SORCS2: variants seen among roughly 807,000 people sequenced by gnomAD.
SORCS2 encodes the protein sortilin related VPS10 domain containing receptor 2.
In SORCS2, 100 loss-of-function variants were observed where a neutral mutation model predicts 141.6. The ratio of observed to expected loss-of-function variants is 0.71; its 90% confidence interval spans 0.60 to 0.83. The LOEUF (loss-of-function observed/expected upper bound fraction) is 0.83, where lower values mean the gene tolerates loss of function less well. Ranked by LOEUF, SORCS2 falls within the 40% of genes least tolerant of loss-of-function variation. SORCS2 has a pLI of 0.00. For synonymous variants in SORCS2, 789 were observed against 676.9 expected (o/e 1.17, Z -2.57); for missense variants, 1,646 against 1,560.2 (o/e 1.05, Z -0.93).
chr4:7,373,925 T>C (rs1722441853), intron 1 of SORCS2, among the ~76,000 whole-genome samples: 1 of 152,192 alleles, frequency 6.6e-6, no homozygotes, highest in Non-Finnish European at 1.5e-5. Flanking sequence ...CGTTTATCTA[T>C]AGATTAATAT....
At chr4:7,660,900 G>C (rs1330656727) in intron 5 of SORCS2, among the ~76,000 whole-genome samples, 1 of 152,274 alleles carries the variant, frequency 6.6e-6, no homozygotes, top group South Asian at 2.1e-4. Flanking sequence ...ATGGCTGAGA[G>C]AGCAATCTTC....
intron 8 of SORCS2, among the ~76,000 whole-genome samples, chr4:7,674,475 A>G (rs1722979076): frequency 6.7e-6 from 1 of 148,370 alleles, no homozygotes; most frequent in African/African-American, 2.5e-5. Context: ...CGGGAGGCTG[A>G]GGCAGGAGAA....
At chr4:7,703,420 T>C (rs762428163) in intron 13 of SORCS2, 49 bp downstream of exon 13, 11 of 1,503,734 alleles carry the variant, frequency 7.3e-6, no homozygotes, top group Admixed American at 5.7e-5. Context: ...CTGGGGCTCT[T>C]TCTTTCCACC....
intron 2 of SORCS2, among the ~76,000 whole-genome samples, chr4:7,491,499 C>T (rs930168693): frequency 1.3e-5 from 2 of 152,232 alleles, no homozygotes; most frequent in African/African-American, 2.4e-5. Flanking sequence ...CGCGGCATGG[C>T]GTAAGCAGCT....
chr4:7,682,043 G>T (rs890468710), intron 9 of SORCS2, among the ~76,000 whole-genome samples: 1 of 152,130 alleles, frequency 6.6e-6, no homozygotes, highest in African/African-American at 2.4e-5. Flanking sequence ...ACCCTCTCTG[G>T]GAGCAAACCA....
intron 3 of SORCS2, among the ~76,000 whole-genome samples, chr4:7,609,408 G>A (rs557270494): frequency 2.4e-4 from 36 of 152,244 alleles, no homozygotes; most frequent in African/African-American, 7.9e-4. Flanking sequence ...CAGTCAAGGC[G>A]CCTCTATACA....
At chr4:7,366,540 C>T (rs1370058200) in intron 1 of SORCS2, among the ~76,000 whole-genome samples, 1 of 150,718 alleles carries the variant, frequency 6.6e-6, no homozygotes, top group Admixed American at 6.6e-5. Context: ...TCCCTCCAGC[C>T]TCACCCCCTC....
chr4:7,374,577 A>C (rs1400347406), intron 1 of SORCS2, among the ~76,000 whole-genome samples: 3 of 152,132 alleles, frequency 2.0e-5, no homozygotes, highest in Non-Finnish European at 2.9e-5. Context: ...CATCTAGCCA[A>C]ACTCACCTTT....
intron 3 of SORCS2, among the ~76,000 whole-genome samples, chr4:7,553,032 C>T (rs991720004): frequency 6.6e-6 from 1 of 152,050 alleles, no homozygotes. Flanking sequence ...AACTAGAGGC[C>T]ATTTTGGAAG....
chr4:7,364,428 G>T (rs1311365069), intron 1 of SORCS2, among the ~76,000 whole-genome samples: 2 of 152,178 alleles, frequency 1.3e-5, no homozygotes, highest in African/African-American at 2.4e-5. Flanking sequence ...TGGATCCAGA[G>T]TTCTTGCAAA....
chr4:7,373,478 A>ATATATATATATATTTTTTTTTT (rs1470691140), intron 1 of SORCS2, among the ~76,000 whole-genome samples: 1 of 36,818 alleles, frequency 2.7e-5, no homozygotes, highest in African/African-American at 1.6e-4. Flanking sequence ...ATATATATAT[A>ATATATATATATATTTTTTTTTT]TTTTTTTTTT....
intron 5 of SORCS2, among the ~76,000 whole-genome samples, chr4:7,654,462 T>C (rs1721630851): frequency 6.6e-6 from 1 of 152,312 alleles, no homozygotes; most frequent in Non-Finnish European, 1.5e-5. Context: ...TTGGTGTCCC[T>C]CAGGCCACGT....
At chr4:7,240,286 G>T (rs1712604218) in intron 1 of SORCS2, among the ~76,000 whole-genome samples, 2 of 152,224 alleles carry the variant, frequency 1.3e-5, no homozygotes, top group African/African-American at 4.8e-5. Context: ...GAAGAGAGAA[G>T]CTGAGAACCC....
At chr4:7,724,864 G>A (rs1210655708) in intron 19 of SORCS2, among the ~76,000 whole-genome samples, 2 of 115,018 alleles carry the variant, frequency 1.7e-5, no homozygotes, top group African/African-American at 6.6e-5. Flanking sequence ...TGGTGATGGT[G>A]GTGGTAGTGG....
intron 2 of SORCS2, chr4:7,434,298 G>A: frequency 6.2e-7 from 1 of 1,612,258 alleles, no homozygotes; most frequent in Non-Finnish European, 8.5e-7. Flanking sequence ...CAGCCTCCTG[G>A]AGTCGGGAGA....
intron 1 of SORCS2, among the ~76,000 whole-genome samples, chr4:7,379,696 G>T (rs372939410): frequency 3.3e-5 from 5 of 152,122 alleles, no homozygotes; most frequent in African/African-American, 1.2e-4. Flanking sequence ...AGACCCTGTG[G>T]CTTTTTAGAT....
intron 1 of SORCS2, among the ~76,000 whole-genome samples, chr4:7,380,990 G>A (rs1331956117): frequency 6.7e-6 from 1 of 149,744 alleles, no homozygotes; most frequent in Non-Finnish European, 1.5e-5. Flanking sequence ...GCTGAGGCAG[G>A]AGAATCGCTT....
intron 18 of SORCS2, among the ~76,000 whole-genome samples, chr4:7,719,045 G>A (rs1308887190): frequency 6.6e-6 from 1 of 152,246 alleles, no homozygotes; most frequent in Non-Finnish European, 1.5e-5. Flanking sequence ...CATCCGTGTC[G>A]CACCCGGAGG....
At chr4:7,569,459 C>G (rs1230071816) in intron 3 of SORCS2, among the ~76,000 whole-genome samples, 2 of 152,228 alleles carry the variant, frequency 1.3e-5, no homozygotes, top group African/African-American at 4.8e-5. Flanking sequence ...TTGCGGTGAG[C>G]TGAGATCGCA....
Sources: allele counts gnomAD v4.1 joint callset (sites outside exome capture counted in the v4.1 genomes callset), GRCh38; gene constraint gnomAD v4.1.1; transcripts MANE v1.5; gene names NCBI Gene and HGNC (gene_info 2026-07-23, HGNC 2026-07-21).